FARS2: variants seen among roughly 807,000 people sequenced by gnomAD.
The protein encoded by FARS2 is phenylalanine--tRNA ligase, mitochondrial.
FARS2 carries 40 observed loss-of-function variants against 46.4 expected under a neutral mutation model. That is an observed-to-expected ratio of 0.86 (90% CI 0.67 to 1.12). FARS2 has a LOEUF of 1.12. Ranked by LOEUF, FARS2 falls within the 50% of genes most tolerant of loss-of-function variation. The pLI is 0.00. For synonymous variants in FARS2, 234 were observed against 214.9 expected (o/e 1.09, Z -0.78); for missense variants, 513 against 567.9 (o/e 0.90, Z 0.98).
At chr6:5,635,660 C>T (rs775117051) in intron 6 of FARS2, among the ~76,000 whole-genome samples, 1 of 152,138 alleles carries the variant, frequency 6.6e-6, no homozygotes, top group Non-Finnish European at 1.5e-5. Context: ...AATCGGAACA[C>T]GCACCCAGCC....
intron 1 of FARS2, among the ~76,000 whole-genome samples, chr6:5,283,237 T>C (rs1302256679): frequency 6.6e-6 from 1 of 151,932 alleles, no homozygotes; most frequent in Non-Finnish European, 1.5e-5. Flanking sequence ...GCTGGGCATG[T>C]TGGCATGCGC....
At chr6:5,371,229 A>G in intron 2 of FARS2, 1 of 967,962 alleles carries the variant, frequency 1.0e-6, no homozygotes, top group Non-Finnish European at 1.2e-6. Flanking sequence ...AACCTCAACT[A>G]AAGTGTTGGT....
chr6:5,370,378 A>C (rs1179627938), intron 2 of FARS2, among the ~76,000 whole-genome samples: 1 of 152,152 alleles, frequency 6.6e-6, no homozygotes, highest in Non-Finnish European at 1.5e-5. Context: ...GAGCATTCTC[A>C]CTACTTGGAA....
intron 4 of FARS2, among the ~76,000 whole-genome samples, chr6:5,432,417 T>C (rs1273300799): frequency 8.2e-6 from 1 of 122,686 alleles, no homozygotes; most frequent in Non-Finnish European, 1.7e-5. Context: ...TTATATATAA[T>C]ATATAATATA....
chr6:5,605,007 C>T (rs1042242412), intron 5 of FARS2, among the ~76,000 whole-genome samples: 2 of 152,222 alleles, frequency 1.3e-5, no homozygotes, highest in Admixed American at 1.3e-4. Flanking sequence ...CTTTGTCCTC[C>T]TCCCTGACAA....
intron 6 of FARS2, among the ~76,000 whole-genome samples, chr6:5,644,606 C>T (rs747878772): frequency 7.9e-5 from 12 of 152,212 alleles, no homozygotes; most frequent in Non-Finnish European, 1.6e-4. Flanking sequence ...CATCTTTAGC[C>T]CACCTTGGCC....
intron 6 of FARS2, among the ~76,000 whole-genome samples, chr6:5,613,578 T>C (rs972563390): frequency 6.6e-6 from 1 of 152,192 alleles, no homozygotes; most frequent in African/African-American, 2.4e-5. Flanking sequence ...CTGCAGCTTT[T>C]CAGTATTGTT....
At chr6:5,655,604 TCTC>T (rs1212763983) in intron 6 of FARS2, among the ~76,000 whole-genome samples, 1 of 152,156 alleles carries the variant, frequency 6.6e-6, no homozygotes, top group Non-Finnish European at 1.5e-5. Flanking sequence ...CTTCCTCACA[TCTC>T]CTCCTCTGAC....
intron 1 of FARS2, among the ~76,000 whole-genome samples, chr6:5,310,571 T>C (rs1490167281): frequency 6.6e-6 from 1 of 152,166 alleles, no homozygotes; most frequent in East Asian, 1.9e-4. Context: ...TTTTTGTGTG[T>C]GTGCGTGTGA....
upstream of FARS2, among the ~76,000 whole-genome samples, chr6:5,257,914 C>T (rs763813684): frequency 6.6e-6 from 1 of 152,176 alleles, no homozygotes; most frequent in Non-Finnish European, 1.5e-5. Flanking sequence ...GAATGACACA[C>T]AGCAATGAGA....
chr6:5,320,040 A>G (rs1332522018), intron 1 of FARS2, among the ~76,000 whole-genome samples: 1 of 152,232 alleles, frequency 6.6e-6, no homozygotes, highest in African/African-American at 2.4e-5. Context: ...TAGAACACAC[A>G]ATGCTTGGGA....
chr6:5,745,180 C>T (rs1485319577), intron 6 of FARS2, among the ~76,000 whole-genome samples: 1 of 152,250 alleles, frequency 6.6e-6, no homozygotes, highest in African/African-American at 2.4e-5. Context: ...TTCTATCTCT[C>T]ATGATGCCCA....
chr6:5,304,757 T>G (rs1768576406), intron 1 of FARS2, among the ~76,000 whole-genome samples: 1 of 152,240 alleles, frequency 6.6e-6, no homozygotes, highest in Non-Finnish European at 1.5e-5. Context: ...AAGGATAACA[T>G]AATGGTCATC....
At chr6:5,640,510 T>C (rs916962643) in intron 6 of FARS2, among the ~76,000 whole-genome samples, 1 of 152,186 alleles carries the variant, frequency 6.6e-6, no homozygotes, top group Non-Finnish European at 1.5e-5. Flanking sequence ...TTTGCTCACA[T>C]AGTTACTGAG....
chr6:5,539,384 G>GTGTGTATATATATATA, intron 4 of FARS2, among the ~76,000 whole-genome samples: 8 of 79,574 alleles, frequency 1.0e-4, no homozygotes, highest in African/African-American at 2.3e-4. Context: ...TTTTTTTTGT[G>GTGTGTATATATATATA]TATATATATA....
chr6:5,754,493 A>T (rs1294817972), intron 6 of FARS2, among the ~76,000 whole-genome samples: 1 of 152,242 alleles, frequency 6.6e-6, no homozygotes. Flanking sequence ...CTTAGTTTCC[A>T]TAGGTTGTGA....
intron 6 of FARS2, among the ~76,000 whole-genome samples, chr6:5,674,296 T>C (rs539096613): frequency 6.6e-6 from 1 of 152,106 alleles, no homozygotes; most frequent in Middle Eastern, 3.4e-3. Flanking sequence ...ATTTATTTTC[T>C]TTGCCTGTAA....
chr6:5,299,674 TC>T (rs1248658367), intron 1 of FARS2, among the ~76,000 whole-genome samples: 1 of 152,048 alleles, frequency 6.6e-6, no homozygotes, highest in African/African-American at 2.4e-5. Context: ...CCTAATGCTA[TC>T]CCTCCCCCAG....
At chr6:5,434,926 G>A (rs929736639) in intron 4 of FARS2, among the ~76,000 whole-genome samples, 8 of 152,200 alleles carry the variant, frequency 5.3e-5, no homozygotes, top group Non-Finnish European at 2.9e-5. Flanking sequence ...AACTGATGGA[G>A]CAATGATAGT....
Sources: gnomAD v4.1 joint callset for allele counts (sites outside exome capture counted in the v4.1 genomes callset) on GRCh38, gnomAD v4.1.1 for gene constraint, MANE v1.5 for transcripts, NCBI Gene and HGNC (gene_info 2026-07-23, HGNC 2026-07-21) for gene names.